INO80C: variants seen among roughly 807,000 people sequenced by gnomAD.
INO80C encodes IES6 homolog.
In INO80C, 17 loss-of-function variants were observed where a neutral mutation model predicts 17.7. The ratio of observed to expected loss-of-function variants is 0.96; its 90% CI spans 0.66 to 1.44. INO80C has a LOEUF of 1.44. Ranked by LOEUF, INO80C falls within the 40% of genes most tolerant of loss-of-function variation. INO80C has a pLI of 0.00. For missense variants in INO80C, 244 were observed against 245.0 expected (o/e 1.00, Z 0.03); for synonymous variants, 96 against 95.8 (o/e 1.00, Z -0.01).
chr18:35,492,297 G>T (rs1406754475), intron 1 of INO80C, among the ~76,000 whole-genome samples: 1 of 152,146 alleles, frequency 6.6e-6, no homozygotes, highest in African/African-American at 2.4e-5. Context: ...AATTAAATAT[G>T]AGTAGTTAAT....
intron 1 of INO80C, among the ~76,000 whole-genome samples, chr18:35,483,177 GT>G (rs936412015): frequency 1.3e-5 from 2 of 151,096 alleles, no homozygotes; most frequent in African/African-American, 2.4e-5. Flanking sequence ...GTTAGATTTA[GT>G]TTTTTTTTAC....
intron 1 of INO80C, chr18:35,483,468 G>A (rs888305811): frequency 6.6e-6 from 1 of 152,320 alleles, no homozygotes; most frequent in Non-Finnish European, 1.5e-5. Flanking sequence ...CAGATCAGAA[G>A]AAAGGGGGAC....
intron 4 of INO80C, among the ~76,000 whole-genome samples, chr18:35,475,886 A>G (rs766804001): frequency 1.3e-5 from 2 of 152,046 alleles, no homozygotes; most frequent in Non-Finnish European, 2.9e-5. Context: ...TTTTTTTCTT[A>G]TTTTTATTTC....
chr18:35,492,259 T>G (rs1373019547), intron 1 of INO80C, among the ~76,000 whole-genome samples: 2 of 152,222 alleles, frequency 1.3e-5, no homozygotes, highest in African/African-American at 4.8e-5. Flanking sequence ...AAATTCAAAA[T>G]GCAACCTCAA....
At chr18:35,471,430 T>C (rs2045668105) in intron 4 of INO80C, among the ~76,000 whole-genome samples, 1 of 152,218 alleles carries the variant, frequency 6.6e-6, no homozygotes, top group African/African-American at 2.4e-5. Flanking sequence ...TTGCTTTGCA[T>C]CTTTCAATCA....
chr18:35,479,556 A>G (rs1161133632), intron 2 of INO80C, 145 bp from the exon 3 acceptor site: 2 of 613,276 alleles, frequency 3.3e-6, no homozygotes, highest in Non-Finnish European at 5.8e-6. Context: ...TTTAAAAGGT[A>G]TTTCACTGTA....
chr18:35,473,062 T>A (rs2045689458), intron 4 of INO80C, among the ~76,000 whole-genome samples: 1 of 152,168 alleles, frequency 6.6e-6, no homozygotes, highest in South Asian at 2.1e-4. Flanking sequence ...CTCCTCCTAA[T>A]GTGTGAAAAC....
chr18:35,495,355 A>C (rs2045970725), intron 1 of INO80C, among the ~76,000 whole-genome samples: 1 of 152,216 alleles, frequency 6.6e-6, no homozygotes, highest in Admixed American at 6.5e-5. Flanking sequence ...TCGAGGCTGC[A>C]GTGAGCCATG....
intron 4 of INO80C, among the ~76,000 whole-genome samples, chr18:35,471,642 T>C (rs1381121169): frequency 3.3e-5 from 5 of 152,066 alleles, no homozygotes; most frequent in African/African-American, 1.2e-4. Context: ...TTAGGGTACA[T>C]GTGCACAATG....
At chr18:35,471,857 G>T (rs1029962523) in intron 4 of INO80C, among the ~76,000 whole-genome samples, 9 of 144,512 alleles carry the variant, frequency 6.2e-5, no homozygotes, top group Non-Finnish European at 9.0e-5. Context: ...GCGGTGTTTG[G>T]TTTTTTGTCC....
At position 35,479,330 on chromosome 18, in the gene INO80C, C is replaced by T; in HGVS notation, c.349G>A (p.Ala117Thr). 3 of 1,613,774 alleles carry T rather than the reference C, an allele frequency of 1.9e-6. No individual in the cohort carries two copies. The highest frequency in any genetic ancestry group is 1.7e-6 in the Non-Finnish European group (2 of 1,179,700). ...GGATCGTTCAGTTGCCACGGCAATG[C>T]CCTTTCAGAAGCGAGGATTTGTTTC... Reference protein sequence around the residue: ...NLKQILASERALPWQLNDPNY... With the variant: ...NLKQILASERTLPWQLNDPNY... Residue 117 changes from alanine to threonine, a missense_variant, in exon 3 of 5, where the codon GCA becomes ACA. Physicochemically the swap from Ala to Thr is moderately conservative, Grantham distance 58 (BLOSUM62 0). Coordinates refer to ENST00000334598, the MANE Select transcript of INO80C (RefSeq NM_194281.4).
intron 1 of INO80C, among the ~76,000 whole-genome samples, chr18:35,494,764 C>A (rs1567990377): frequency 6.6e-6 from 1 of 152,168 alleles, no homozygotes; most frequent in Non-Finnish European, 1.5e-5. Context: ...GACTTCTGAC[C>A]TACAGAACCA....
chr18:35,469,103 G>C (rs2045638409), intron 4 of INO80C, among the ~76,000 whole-genome samples: 1 of 152,114 alleles, frequency 6.6e-6, no homozygotes, highest in African/African-American at 2.4e-5. Flanking sequence ...TGCTCCTCAA[G>C]GCAGGAGCCG....
chr18:35,489,356 C>G, intron 1 of INO80C: 1 of 273,456 alleles, frequency 3.7e-6, no homozygotes, highest in Non-Finnish European at 7.2e-6. Context: ...GGGGAGGCCT[C>G]ACAATCATGG....
chr18:35,485,676 C>T (rs2045865630), intron 1 of INO80C, among the ~76,000 whole-genome samples: 1 of 151,926 alleles, frequency 6.6e-6, no homozygotes, highest in Non-Finnish European at 1.5e-5. Flanking sequence ...ACAGAATTAT[C>T]ATATGACCCA....
intron 1 of INO80C, among the ~76,000 whole-genome samples, chr18:35,490,979 C>T (rs1393901888): frequency 6.6e-6 from 1 of 152,192 alleles, no homozygotes; most frequent in Non-Finnish European, 1.5e-5. Context: ...ACAGTGGTCT[C>T]GAACTCCTGG....
chr18:35,478,002 A>G (rs2045757113), intron 4 of INO80C, among the ~76,000 whole-genome samples: 1 of 152,264 alleles, frequency 6.6e-6, no homozygotes, highest in Non-Finnish European at 1.5e-5. Flanking sequence ...GCAGTAAAAA[A>G]AGAAATACAT....
intron 1 of INO80C, among the ~76,000 whole-genome samples, chr18:35,496,002 G>T (rs1309237864): frequency 2.0e-5 from 3 of 152,160 alleles, no homozygotes; most frequent in African/African-American, 7.2e-5. Context: ...GACAATGAAA[G>T]ACTGACAATA....
intron 3 of INO80C, chr18:35,479,011 GAGTAGACTTTTGAATAAGA>G: frequency 3.8e-6 from 1 of 261,178 alleles, no homozygotes; most frequent in Non-Finnish European, 7.2e-6. Flanking sequence ...CACATTTTAA[GAGTAGACTTTTGAATAAGA>G]AGTTTGTCTA....
Sources: allele counts gnomAD v4.1 joint callset (sites outside exome capture counted in the v4.1 genomes callset), GRCh38; gene constraint gnomAD v4.1.1; transcripts MANE v1.5; gene names NCBI Gene and HGNC (gene_info 2026-07-23, HGNC 2026-07-21).